The following CRACD variants were observed in gnomAD, a reference collection of about 807,000 sequenced individuals.
CRACD encodes the protein capping protein inhibiting regulator of actin dynamics.
In CRACD, 56 loss-of-function variants were observed where a neutral mutation model predicts 106.8. The ratio of observed to expected loss-of-function variants is 0.52; its 90% CI spans 0.42 to 0.66. The LOEUF is 0.66. Among genes scored for constraint, CRACD ranks in the 30% least tolerant of loss-of-function variants. CRACD has a pLI of 0.00. For synonymous variants in CRACD, 754 were observed against 670.8 expected (o/e 1.12, Z -1.92); for missense variants, 1,730 against 1,623.2 (o/e 1.07, Z -1.13).
At chr4:56,288,702 A>T (rs538362707) in intron 3 of CRACD, 4 of 151,860 alleles carry the variant, frequency 2.6e-5, no homozygotes, top group African/African-American at 9.7e-5. Flanking sequence ...GATCAAGATG[A>T]TGTAGATCTT....
intron 10 of CRACD, among the ~76,000 whole-genome samples, chr4:56,327,219 A>G (rs1560545822): frequency 1.3e-5 from 2 of 152,222 alleles, no homozygotes; most frequent in Non-Finnish European, 2.9e-5. Flanking sequence ...ATATAAACAC[A>G]TAGCTTGCTT....
chr4:56,052,175 C>G (rs1456336430), intron 1 of CRACD, among the ~76,000 whole-genome samples: 3 of 152,136 alleles, frequency 2.0e-5, no homozygotes, highest in Non-Finnish European at 2.9e-5. Flanking sequence ...AGGCATGAAC[C>G]ACTGCGCCCA....
intron 1 of CRACD, among the ~76,000 whole-genome samples, chr4:56,165,494 C>T (rs1441157270): frequency 6.6e-6 from 1 of 152,148 alleles, no homozygotes; most frequent in Non-Finnish European, 1.5e-5. Context: ...AAGTAACTTA[C>T]CCAGGGACAC....
intron 1 of CRACD, among the ~76,000 whole-genome samples, chr4:56,057,925 TC>T (rs1407678812): frequency 8.9e-6 from 1 of 112,670 alleles, no homozygotes; most frequent in African/African-American, 4.6e-5. Context: ...TTCACGCCAT[TC>T]CCCTGCCTCA....
intron 3 of CRACD, among the ~76,000 whole-genome samples, chr4:56,290,150 G>A (rs1470692936): frequency 6.6e-6 from 1 of 152,214 alleles, no homozygotes; most frequent in Non-Finnish European, 1.5e-5. Flanking sequence ...AATATTGGCA[G>A]GCAGAGTGGA....
At chr4:56,198,465 A>G (rs1560480896) in intron 2 of CRACD, among the ~76,000 whole-genome samples, 3 of 152,228 alleles carry the variant, frequency 2.0e-5, no homozygotes, top group African/African-American at 7.2e-5. Flanking sequence ...GGCGGAGGCT[A>G]GTGTTTAGTA....
At chr4:56,308,312 TCTAAATTTGA>T (rs1744889015) in intron 5 of CRACD, among the ~76,000 whole-genome samples, 1 of 11,060 alleles carries the variant, frequency 9.0e-5, no homozygotes, top group Non-Finnish European at 4.2e-4. Context: ...CACCATCCTG[TCTAAATTTGA>T]TCTCTTGACA....
chr4:56,142,511 T>G (rs1250500365), intron 1 of CRACD, among the ~76,000 whole-genome samples: 1 of 152,226 alleles, frequency 6.6e-6, no homozygotes, highest in African/African-American at 2.4e-5. Flanking sequence ...CCTTTTTTCT[T>G]TTTACTTTTA....
intron 2 of CRACD, among the ~76,000 whole-genome samples, chr4:56,192,422 C>T (rs1198635659): frequency 6.6e-6 from 1 of 151,806 alleles, no homozygotes; most frequent in East Asian, 1.9e-4. Context: ...GTATACTGTG[C>T]TGGGAATTTT....
At position 56,166,365 on chromosome 4, in the gene CRACD, A is replaced by C. The variant is rs543260695; in HGVS notation, c.-335-12919A>C. Among the ~76,000 whole-genome samples the C allele has an allele frequency of 3.9e-5, 6 of 152,318 alleles. No individual in the cohort carries two copies. The East Asian group carries it at 1.2e-3, about 29-fold the overall frequency. ...GAAGATCCTAAGTGTCCAACAACAG[A>C]TGAACAGATAAGTAAATTAAGAAAT... is the stretch of plus-strand genomic sequence containing the variant. On this transcript the variant is annotated intron_variant, in intron 1 of 10. Transcript: ENST00000682029.
At chr4:56,155,705 G>A (rs947506678) in intron 1 of CRACD, among the ~76,000 whole-genome samples, 3 of 152,106 alleles carry the variant, frequency 2.0e-5, no homozygotes, top group Non-Finnish European at 4.4e-5. Flanking sequence ...ACAAGTTTTC[G>A]GTTGAAACAT....
chr4:56,291,372 A>G (rs759538643), intron 3 of CRACD, among the ~76,000 whole-genome samples: 1 of 152,112 alleles, frequency 6.6e-6, no homozygotes, highest in Non-Finnish European at 1.5e-5. Flanking sequence ...CCTCCCAATC[A>G]TGTAATTTGC....
intron 3 of CRACD, among the ~76,000 whole-genome samples, chr4:56,283,522 C>T (rs1004464030): frequency 8.5e-5 from 13 of 152,148 alleles, no homozygotes; most frequent in African/African-American, 2.9e-4. Context: ...CTTCCCCTCC[C>T]ACTGCAGCCT....
Position 56,261,358 on chromosome 4 carries a change from C to CTTTTT in CRACD, c.-188-10961_-188-10960insTTTTT, listed in dbSNP as rs527665539. ...TCCGCCTCTGTTACTGCTTCTTCTT[C>CTTTTT]TTCTTTTTTTTTTTTTTGAGACAGA... On this transcript the variant is annotated intron_variant, in intron 2 of 10. Coordinates refer to ENST00000682029, the MANE Select transcript of CRACD (RefSeq NM_001393381.1). Among the ~76,000 whole-genome samples the CTTTTT allele has an allele frequency of 1.2e-4, 14 of 112,732 alleles. 2 individuals carry two copies. The highest frequency in any genetic ancestry group is 3.0e-4 in the South Asian group (1 of 3,364). 74.0% of individuals were successfully genotyped at this position (112,732 alleles called of 152,430 possible). A position where few individuals can be genotyped will look rare whatever the true frequency, so the allele number is the denominator to read the frequency against.
At position 56,315,487 on chromosome 4, in the gene CRACD, C is replaced by T; in HGVS notation, c.1985C>T (p.Ala662Val). ...CCCCGCCAGGAGTCTCCCAGCAGCG[C>T]GTCCGCACTCGCAGAATGGGCTTCC... The part of the protein sequence containing the change: ...AKPRQESPSS[A>V]SALAEWASIR... The change falls in exon 8 of 11, where the codon GCG becomes GTG. Residue 662 changes from alanine to valine, a missense_variant. By Grantham distance (64) the Ala-to-Val change is moderately conservative. Coordinates refer to ENST00000682029, the MANE Select transcript of CRACD (RefSeq NM_001393381.1). The surrounding 1 kb of genome is among the most constrained non-coding windows in gnomAD (Gnocchi z 4.1). The T allele has an allele frequency of 6.2e-7, 1 of 1,613,310 alleles. No individual in the cohort carries two copies. Among genetic ancestry groups the T allele is most frequent in the Non-Finnish European group, 8.5e-7 (1 of 1,179,830 alleles).
intron 2 of CRACD, among the ~76,000 whole-genome samples, chr4:56,263,380 AGTACCACAG>A (rs1236078404): frequency 6.6e-6 from 1 of 152,226 alleles, no homozygotes; most frequent in Non-Finnish European, 1.5e-5. Flanking sequence ...GCCATAACAA[AGTACCACAG>A]ACTAGGTGGC....
chr4:56,120,048 T>C (rs958718224), intron 1 of CRACD, among the ~76,000 whole-genome samples: 4 of 152,148 alleles, frequency 2.6e-5, no homozygotes, highest in Non-Finnish European at 5.9e-5. Context: ...ATTAATTAAA[T>C]AGGTTGTGTG....
At chr4:56,092,194 A>G (rs776586996) in intron 1 of CRACD, among the ~76,000 whole-genome samples, 1 of 152,220 alleles carries the variant, frequency 6.6e-6, no homozygotes, top group Non-Finnish European at 1.5e-5. Context: ...CAGGGAAGGC[A>G]TCACTGAGGA....
At chr4:56,055,159 T>C (rs1403588433) in intron 1 of CRACD, among the ~76,000 whole-genome samples, 1 of 152,156 alleles carries the variant, frequency 6.6e-6, no homozygotes, top group East Asian at 1.9e-4. Context: ...CATTTTGTTT[T>C]TACCAGGGAA....
Sources: allele counts gnomAD v4.1 joint callset (sites outside exome capture counted in the v4.1 genomes callset), GRCh38; gene constraint gnomAD v4.1.1; non-coding constraint Gnocchi (gnomAD v3.1); transcripts MANE v1.5; gene names NCBI Gene and HGNC (gene_info 2026-07-23, HGNC 2026-07-21).